Variants in ARHGAP26 observed in about 807,000 individuals in gnomAD.
The protein encoded by ARHGAP26 is rho GTPase-activating protein 26.
A neutral mutation model predicts 104.8 loss-of-function variants in ARHGAP26; 38 were observed. The observed-to-expected ratio is 0.36, with a 90% CI of 0.28 to 0.48. The LOEUF (loss-of-function observed/expected upper bound fraction) is 0.48. Ranked by LOEUF, ARHGAP26 falls within the 20% of genes least tolerant of loss-of-function variation. The pLI is 0.99. For synonymous variants in ARHGAP26, 341 were observed against 340.0 expected, an observed-to-expected ratio of 1.00 and a Z score of -0.03; for missense variants, 704 against 947.9, an observed-to-expected ratio of 0.74 and a Z score of 3.38.
chr5:142,944,036 A>T (rs1365611762), intron 11 of ARHGAP26, among the ~76,000 whole-genome samples: 1 of 152,142 alleles, frequency 6.6e-6, no homozygotes, highest in African/African-American at 2.4e-5. Context: ...CCATCTAAAG[A>T]ATGACTTTTT....
chr5:143,221,753 G>T (rs188259230), intron 22 of ARHGAP26, among the ~76,000 whole-genome samples: 28 of 152,262 alleles, frequency 1.8e-4, no homozygotes, highest in African/African-American at 5.8e-4. Context: ...AAACTCCTGG[G>T]CTAAAGCAAT....
chr5:142,866,931 C>A (rs1017943893), intron 1 of ARHGAP26: 4 of 152,222 alleles, frequency 2.6e-5, no homozygotes, highest in African/African-American at 9.7e-5. Context: ...CATCCCTATA[C>A]CCCTCCCACT....
intron 20 of ARHGAP26, among the ~76,000 whole-genome samples, chr5:143,191,486 A>C (rs1445237512): frequency 6.6e-6 from 1 of 152,220 alleles, no homozygotes; most frequent in Non-Finnish European, 1.5e-5. Flanking sequence ...GCTGTGTGAC[A>C]CTGAGATAGC....
intron 1 of ARHGAP26, among the ~76,000 whole-genome samples, chr5:142,841,821 A>G (rs777847211): frequency 6.6e-5 from 10 of 152,262 alleles, no homozygotes; most frequent in Non-Finnish European, 1.5e-4. Context: ...GATGACTTCT[A>G]GGAACAGAAA....
intron 14 of ARHGAP26, among the ~76,000 whole-genome samples, chr5:143,043,456 C>T (rs993652551): frequency 1.3e-5 from 2 of 152,120 alleles, no homozygotes; most frequent in Non-Finnish European, 2.9e-5. Context: ...TATTGAAGGG[C>T]ACCTGAGTTG....
chr5:143,091,884 T>G (rs1343343177), intron 17 of ARHGAP26, among the ~76,000 whole-genome samples: 1 of 152,224 alleles, frequency 6.6e-6, no homozygotes, highest in Admixed American at 6.5e-5. Flanking sequence ...GCTTAAACCT[T>G]TAAAACAAAA....
chr5:143,131,263 T>G (rs1797322433), intron 18 of ARHGAP26, among the ~76,000 whole-genome samples: 1 of 152,214 alleles, frequency 6.6e-6, no homozygotes, highest in South Asian at 2.1e-4. Context: ...TTACTCTTTT[T>G]TGTTTCTCCA....
chr5:142,810,453 A>T (rs765105623), intron 1 of ARHGAP26, among the ~76,000 whole-genome samples: 1 of 152,088 alleles, frequency 6.6e-6, no homozygotes, highest in Non-Finnish European at 1.5e-5. Flanking sequence ...TTTAATGAAC[A>T]TGCCTTTTTG....
chr5:142,863,845 G>C lies in ARHGAP26; in HGVS notation c.155-9555G>C, dbSNP rs183817262. On this transcript the variant is annotated intron_variant, in intron 1 of 22. Coordinates refer to ENST00000645722, the MANE Select transcript of ARHGAP26 (RefSeq NM_001135608.3). ...AGCTGTCTCTGCTGCAGAGGAAAAG[G>C]CATTCCAGAAACAAAATCTAAGTCT... Among the ~76,000 whole-genome samples the C allele has an allele frequency of 1.0e-3, 154 of 152,268 alleles. 2 individuals are homozygous for C. In the Middle Eastern group the frequency reaches 0.01, roughly 10 times the overall value.
At chr5:142,947,888 T>C (rs1767406294) in intron 11 of ARHGAP26, among the ~76,000 whole-genome samples, 1 of 152,144 alleles carries the variant, frequency 6.6e-6, no homozygotes, top group South Asian at 2.1e-4. Flanking sequence ...GGTGCAGTGG[T>C]GTACGCCTGG....
At chr5:142,791,088 T>C (rs1223888583) in intron 1 of ARHGAP26, among the ~76,000 whole-genome samples, 1 of 151,880 alleles carries the variant, frequency 6.6e-6, no homozygotes, top group Non-Finnish European at 1.5e-5. Context: ...TAAAGTTTTT[T>C]TTTTTTTTTG....
intron 17 of ARHGAP26, among the ~76,000 whole-genome samples, chr5:143,120,112 A>G (rs571469191): frequency 6.6e-6 from 1 of 152,362 alleles, no homozygotes; most frequent in East Asian, 1.9e-4. Flanking sequence ...TGTCTCAACA[A>G]AACTGAATGG....
intron 17 of ARHGAP26, among the ~76,000 whole-genome samples, chr5:143,089,169 C>T (rs1598959322): frequency 6.6e-6 from 1 of 152,102 alleles, no homozygotes; most frequent in Non-Finnish European, 1.5e-5. Context: ...AACTTTTTAA[C>T]GTGTCTTGGC....
intron 17 of ARHGAP26, chr5:143,103,305 A>G (rs13164093): frequency 1.1e-6 from 1 of 910,744 alleles, no homozygotes; most frequent in Non-Finnish European, 1.3e-6. Flanking sequence ...CAGATGCTGG[A>G]GAGGATGTGG....
At chr5:143,161,278 C>T (rs938774780) in intron 20 of ARHGAP26, among the ~76,000 whole-genome samples, 1 of 152,098 alleles carries the variant, frequency 6.6e-6, no homozygotes, top group Non-Finnish European at 1.5e-5. Flanking sequence ...TCCCAAAGTG[C>T]AGGGATTACA....
intron 20 of ARHGAP26, among the ~76,000 whole-genome samples, chr5:143,171,305 G>A (rs1313594154): frequency 1.3e-5 from 2 of 152,172 alleles, no homozygotes; most frequent in African/African-American, 4.8e-5. Flanking sequence ...GCAGCAGTTT[G>A]AGCTGAGGCC....
At chr5:143,124,759 A>G (rs1796532624) in intron 18 of ARHGAP26, among the ~76,000 whole-genome samples, 1 of 152,236 alleles carries the variant, frequency 6.6e-6, no homozygotes, top group South Asian at 2.1e-4. Flanking sequence ...GGGGAGCTAG[A>G]TGCCACCTCT....
chr5:142,826,744 A>G (rs1013284249), intron 1 of ARHGAP26, among the ~76,000 whole-genome samples: 3 of 152,100 alleles, frequency 2.0e-5, no homozygotes, highest in Admixed American at 1.3e-4. Flanking sequence ...CTTAAAGCCC[A>G]GGTCAGTCTG....
At chr5:142,887,895 G>A (rs752541715) in intron 5 of ARHGAP26, among the ~76,000 whole-genome samples, 28 of 152,078 alleles carry the variant, frequency 1.8e-4, no homozygotes, top group Non-Finnish European at 3.5e-4. Context: ...AACCAGGGAG[G>A]CGGAGGTTGC....
Sources: allele counts gnomAD v4.1 joint callset (sites outside exome capture counted in the v4.1 genomes callset), GRCh38; gene constraint gnomAD v4.1.1; transcripts MANE v1.5; gene names NCBI Gene and HGNC (gene_info 2026-07-23, HGNC 2026-07-21).